The following AGBL4 variants were observed in gnomAD, a reference collection of about 807,000 sequenced individuals.
AGBL4 encodes the protein cytosolic carboxypeptidase 6.
A neutral mutation model predicts 66.4 loss-of-function variants in AGBL4; 58 were observed. The observed-to-expected ratio is 0.87, with a 90% CI of 0.71 to 1.09. The LOEUF (loss-of-function observed/expected upper bound fraction) is 1.09, where lower values mean the gene tolerates loss of function less well. Ranked by LOEUF, AGBL4 falls within the 50% of genes least tolerant of loss-of-function variation. The pLI is 0.00. For missense variants in AGBL4, 579 were observed against 631.0 expected (o/e 0.92, Z 0.88); for synonymous variants, 234 against 222.9 (o/e 1.05, Z -0.44).
At chr1:49,460,761 G>T (rs1474916740) in intron 3 of AGBL4, among the ~76,000 whole-genome samples, 1 of 151,658 alleles carries the variant, frequency 6.6e-6, no homozygotes, top group Non-Finnish European at 1.5e-5. Flanking sequence ...AAGACTTAGA[G>T]TTCTTTTTAG....
intron 6 of AGBL4, among the ~76,000 whole-genome samples, chr1:48,773,004 C>T (rs186507450): frequency 6.6e-6 from 1 of 152,248 alleles, no homozygotes; most frequent in Non-Finnish European, 1.5e-5. Context: ...CATAGCAGGA[C>T]ATGAAAAGTC....
chr1:49,274,724 G>A (rs549731504), intron 3 of AGBL4, among the ~76,000 whole-genome samples: 12 of 152,196 alleles, frequency 7.9e-5, no homozygotes, highest in African/African-American at 2.6e-4. Context: ...TACTATTGGA[G>A]TAGGTAAAAA....
chr1:49,583,233 A>C (rs576541094), intron 3 of AGBL4, among the ~76,000 whole-genome samples: 1 of 152,258 alleles, frequency 6.6e-6, no homozygotes, highest in Non-Finnish European at 1.5e-5. Flanking sequence ...TGGGGCTTTA[A>C]GAGCTTCTGG....
intron 6 of AGBL4, among the ~76,000 whole-genome samples, chr1:48,748,569 G>A (rs1293903803): frequency 3.9e-5 from 6 of 152,190 alleles, no homozygotes; most frequent in Non-Finnish European, 7.3e-5. Flanking sequence ...ACCAACTTCT[G>A]TGTTGGGGCT....
At chr1:48,570,788 G>C (rs1201878120) in intron 11 of AGBL4, among the ~76,000 whole-genome samples, 2 of 152,164 alleles carry the variant, frequency 1.3e-5, no homozygotes, top group East Asian at 1.9e-4. Flanking sequence ...TTAGCCAAGG[G>C]GATGTGTGCT....
Position 48,549,305 on chromosome 1 carries a change from A to G in AGBL4, c.1268-9567T>C, listed in dbSNP as rs58031531. 6.0e-3 allele frequency among the ~76,000 whole-genome samples: 918 copies of G among 152,318 alleles called. 21 individuals carry two copies. The East Asian group carries it at 0.067, about 11-fold the overall frequency. On this transcript the variant is annotated intron_variant, in intron 11 of 13. Transcript: ENST00000371839. The stretch of plus-strand genomic sequence containing the variant: ...TCTTTTGTCTCTGCCTGCCTCACCA[A>G]TCCTCCCACAGTGTCAGACAAGTGC...
chr1:49,264,834 C>T (rs1653568200), intron 3 of AGBL4, among the ~76,000 whole-genome samples: 2 of 152,186 alleles, frequency 1.3e-5, no homozygotes, highest in Admixed American at 1.3e-4. Context: ...CGTGAGCCAC[C>T]ACGCCCGGCC....
chr1:49,939,060 C>T (rs560346811), intron 1 of AGBL4, among the ~76,000 whole-genome samples: 74 of 151,710 alleles, frequency 4.9e-4, no homozygotes, highest in African/African-American at 1.6e-3. Flanking sequence ...CACCAATAAC[C>T]GACAAACAGA....
Position 48,548,941 on chromosome 1 carries a change from A to G in AGBL4, c.1268-9203T>C, listed in dbSNP as rs189748518. Among the ~76,000 whole-genome samples, 227 of 152,316 alleles carry G rather than the reference A, an allele frequency of 1.5e-3. 1 individual carries two copies. Among genetic ancestry groups the G allele is most frequent in the Non-Finnish European group, 2.4e-3 (160 of 68,034 alleles). On this transcript the variant is annotated intron_variant, in intron 11 of 13. Coordinates refer to ENST00000371839, the MANE Select transcript of AGBL4 (RefSeq NM_032785.4). Reference sequence around the variant, plus strand: ...ATATTAAGTGGCTTCTATGTGCCAGACACTGTTCTAGGAGCTAGGATACAA... The same window carrying G: ...ATATTAAGTGGCTTCTATGTGCCAGGCACTGTTCTAGGAGCTAGGATACAA...
rs537259919 is a variant in AGBL4, at chr1:49,713,121, CA to C, written c.158-15685del. Among the ~76,000 whole-genome samples, 8 of 151,980 alleles carry C rather than the reference CA, an allele frequency of 5.3e-5. No individual in the cohort carries two copies. The South Asian group carries it at 1.7e-3, about 32-fold the overall frequency. ...ATAGGAGAAACATTTTTTATCTTTG[CA>C]AAAAGATATTGTAAATTCACTGGAC... On this transcript the variant is annotated intron_variant, in intron 2 of 13. Coordinates refer to ENST00000371839, the MANE Select transcript of AGBL4 (RefSeq NM_032785.4).
At chr1:49,892,323 T>C (rs1033064992) in intron 1 of AGBL4, among the ~76,000 whole-genome samples, 3 of 152,236 alleles carry the variant, frequency 2.0e-5, no homozygotes, top group Non-Finnish European at 2.9e-5. Context: ...AAAAAGTATA[T>C]TGATAAGCTC....
intron 3 of AGBL4, among the ~76,000 whole-genome samples, chr1:49,674,701 GCTAA>G (rs1423361840): frequency 1.3e-5 from 2 of 151,536 alleles, no homozygotes; most frequent in Non-Finnish European, 2.9e-5. Flanking sequence ...TAGATCTGCA[GCTAA>G]CTGTTTTCCA....
At chr1:48,761,334 T>C (rs1489491701) in intron 6 of AGBL4, 1 of 1,542,060 alleles carries the variant, frequency 6.5e-7, no homozygotes, top group East Asian at 2.4e-5. Context: ...AAGATTTTGT[T>C]ACCTTGATGT....
intron 9 of AGBL4, among the ~76,000 whole-genome samples, chr1:48,618,717 G>A (rs929289983): frequency 6.6e-6 from 1 of 152,198 alleles, no homozygotes; most frequent in African/African-American, 2.4e-5. Flanking sequence ...CCTCTTGCCT[G>A]TGTTAGTATT....
chr1:48,759,274 C>T (rs1644127422), intron 6 of AGBL4: 6 of 1,556,548 alleles, frequency 3.9e-6, no homozygotes, highest in Non-Finnish European at 5.2e-6. Flanking sequence ...CGGCTTCCGC[C>T]CCTCAGGTCT....
At chr1:48,831,784 T>C (rs1252582677) in intron 6 of AGBL4, among the ~76,000 whole-genome samples, 1 of 152,200 alleles carries the variant, frequency 6.6e-6, no homozygotes, top group Non-Finnish European at 1.5e-5. Flanking sequence ...AAAAACTCAC[T>C]GAATGAATAA....
At chr1:49,746,223 G>A (rs938084484) in intron 2 of AGBL4, among the ~76,000 whole-genome samples, 9 of 151,844 alleles carry the variant, frequency 5.9e-5, no homozygotes, top group African/African-American at 1.9e-4. Flanking sequence ...ATTTAATTAC[G>A]TTGAACTGAA....
At chr1:49,094,681 G>A (rs554313661) in intron 4 of AGBL4, among the ~76,000 whole-genome samples, 69 of 152,126 alleles carry the variant, frequency 4.5e-4, no homozygotes, top group African/African-American at 1.2e-3. Flanking sequence ...TTGATGGGCT[G>A]TATCTCAAAA....
At chr1:49,486,210 C>T (rs1160977428) in intron 3 of AGBL4, among the ~76,000 whole-genome samples, 1 of 151,936 alleles carries the variant, frequency 6.6e-6, no homozygotes, top group Non-Finnish European at 1.5e-5. Flanking sequence ...CAAATATGTA[C>T]AAAATTTACT....
Sources: gnomAD v4.1 joint callset for allele counts (sites outside exome capture counted in the v4.1 genomes callset) on GRCh38, gnomAD v4.1.1 for gene constraint, MANE v1.5 for transcripts, NCBI Gene and HGNC (gene_info 2026-07-23, HGNC 2026-07-21) for gene names.